POLDIP3: variants seen among roughly 807,000 people sequenced by gnomAD.
The protein encoded by POLDIP3 is DNA polymerase delta interacting protein 3.
In POLDIP3, 14 loss-of-function variants were observed where a neutral mutation model predicts 45.1. The ratio of observed to expected loss-of-function variants is 0.31; its 90% CI spans 0.20 to 0.49. The LOEUF (loss-of-function observed/expected upper bound fraction) is 0.49, where lower values mean the gene tolerates loss of function less well. Among genes scored for constraint, POLDIP3 ranks in the 20% least tolerant of loss-of-function variants. POLDIP3 has a pLI of 0.99. For synonymous variants in POLDIP3, 223 were observed against 205.2 expected, an observed-to-expected ratio of 1.09 and a Z score of -0.74; for missense variants, 511 against 538.8, an observed-to-expected ratio of 0.95 and a Z score of 0.51.
In POLDIP3 at chr22:42,595,757, T is replaced by C; in HGVS notation, c.814-143A>G. ...CACAAATGGGCCCCCTGAACTTCAG[T>C]GTCCACTACACCCCCCATCACTCTA... On this transcript the variant is annotated intron_variant, in intron 5 of 8. Transcript: ENST00000252115. 4.2e-6 allele frequency: 3 copies of C among 709,006 alleles called. No homozygotes were observed. In the South Asian group the frequency reaches 4.8e-5, roughly 11 times the overall value. 43.9% of individuals were successfully genotyped at this position (709,006 alleles called of 1,614,324 possible). A position where few individuals can be genotyped will look rare whatever the true frequency, so the allele number is the denominator to read the frequency against.
At position 42,585,008 on chromosome 22, in the gene POLDIP3, C is replaced by T. The variant is rs929597341; in HGVS notation, c.*783G>A. 3 of 456,202 alleles carry T rather than the reference C, an allele frequency of 6.6e-6. No homozygotes were observed. The highest frequency in any genetic ancestry group is 2.0e-5 in the African/African-American group (1 of 50,078). The allele number at this position is 456,202 out of a possible 1,614,324, so 28.3% of individuals were successfully genotyped here. On this transcript the variant is annotated 3_prime_UTR_variant, in exon 9 of 9. Coordinates refer to ENST00000252115, the MANE Select transcript of POLDIP3 (RefSeq NM_032311.5). ...GTTAAGTGCCAGGCGAGGTGAGAAC[C>T]GGGAGGGCTCACAACACAGCCCCCT...
chr22:42,592,209 G>C (rs1006168014), intron 6 of POLDIP3, 125 bp from the exon 7 acceptor site: 3 of 1,408,946 alleles, frequency 2.1e-6, no homozygotes, highest in Admixed American at 2.0e-5. Context: ...CTGAGACTGC[G>C]GGGAGGCTCC....
intron 6 of POLDIP3, 113 bp from the exon 7 acceptor site, chr22:42,592,197 G>A (rs996615252): frequency 3.1e-5 from 46 of 1,483,138 alleles, no homozygotes; most frequent in Non-Finnish European, 4.1e-5. Flanking sequence ...TGCGCCCTGC[G>A]CCTGAGACTG....
intron 6 of POLDIP3, among the ~76,000 whole-genome samples, chr22:42,593,899 T>C (rs2146808714): frequency 6.6e-6 from 1 of 152,342 alleles, no homozygotes; most frequent in African/African-American, 2.4e-5. Context: ...CCATTCACAG[T>C]ACTGTCCCTG....
chr22:42,594,105 A>T (rs1357367107), intron 6 of POLDIP3, among the ~76,000 whole-genome samples: 1 of 152,118 alleles, frequency 6.6e-6, no homozygotes, highest in Non-Finnish European at 1.5e-5. Flanking sequence ...ACTGAAAAAT[A>T]CAAAAATTAG....
At chr22:42,610,726 G>C (rs1284419375) in intron 1 of POLDIP3, among the ~76,000 whole-genome samples, 1 of 152,082 alleles carries the variant, frequency 6.6e-6, no homozygotes, top group Admixed American at 6.6e-5. Context: ...AACATGGCGA[G>C]ACCTTGTCTC....
chr22:42,605,457 G>A (rs1418326295), intron 1 of POLDIP3, among the ~76,000 whole-genome samples: 3 of 152,190 alleles, frequency 2.0e-5, no homozygotes, highest in Non-Finnish European at 2.9e-5. Context: ...CCCAGCTTAG[G>A]GTATTTTCTT....
At chr22:42,614,506 G>A (rs952704195) in intron 1 of POLDIP3, among the ~76,000 whole-genome samples, 17 of 152,180 alleles carry the variant, frequency 1.1e-4, no homozygotes, top group Non-Finnish European at 8.8e-5. Context: ...GAGACCCCAG[G>A]ACCCCGGAAC....
In POLDIP3 at chr22:42,585,105, G is replaced by A. The variant is rs1925214555; in HGVS notation, c.*686C>T. 5 of 438,260 alleles carry A rather than the reference G, an allele frequency of 1.1e-5. No individual in the cohort carries two copies. Among genetic ancestry groups the A allele is most frequent in the South Asian group, 6.5e-5 (4 of 61,830 alleles). The allele number at this position is 438,260 out of a possible 1,614,324, so 27.1% of individuals were successfully genotyped here. On this transcript the variant is annotated 3_prime_UTR_variant, in exon 9 of 9. Transcript: ENST00000252115. ...CAGCACAACTCAAGGAAAAGGGAAA[G>A]GTGAACTCTGGAGAACTTCCTCTGG...
intron 1 of POLDIP3, among the ~76,000 whole-genome samples, chr22:42,603,404 AAG>A (rs766009920): frequency 9.4e-6 from 1 of 106,116 alleles, no homozygotes. Flanking sequence ...ATTCCTAGTT[AAG>A]AGTGTTTTGC....
At chr22:42,614,725 G>A in intron 1 of POLDIP3, 74 bp downstream of exon 1, 5 of 1,535,000 alleles carry the variant, frequency 3.3e-6, no homozygotes, top group East Asian at 2.3e-5. Context: ...GTCGCTCCCG[G>A]ATCGCTACCT....
intron 1 of POLDIP3, 60 bp downstream of exon 1, chr22:42,614,739 C>A (rs2146845982): frequency 6.3e-7 from 1 of 1,575,084 alleles, no homozygotes; most frequent in Non-Finnish European, 8.7e-7. Context: ...GCTACCTCCC[C>A]CGCCTCGAGC....
intron 1 of POLDIP3, among the ~76,000 whole-genome samples, chr22:42,605,182 C>G (rs1926644255): frequency 6.6e-6 from 1 of 152,244 alleles, no homozygotes; most frequent in Non-Finnish European, 1.5e-5. Context: ...GGCTGGAGTG[C>G]AGTGGCGCAA....
At chr22:42,591,882 C>A (rs1925686798) in intron 7 of POLDIP3, 73 bp downstream of exon 7, 6 of 1,594,132 alleles carry the variant, frequency 3.8e-6, no homozygotes, top group Non-Finnish European at 5.1e-6. Context: ...GAGACTTCCC[C>A]TGGAAGGCCT....
At chr22:42,592,562 G>C (rs1228573943) in intron 6 of POLDIP3, among the ~76,000 whole-genome samples, 1 of 152,198 alleles carries the variant, frequency 6.6e-6, no homozygotes, top group East Asian at 1.9e-4. Context: ...AACCAGGAGA[G>C]TCCCCAGCAA....
Position 42,584,580 on chromosome 22 carries a change from C to T in POLDIP3, c.*1211G>A. 3.8e-6 allele frequency: 1 copy of T among 263,660 alleles called. No individual in the cohort carries two copies. The highest frequency in any genetic ancestry group is 3.6e-5 in the South Asian group (1 of 28,048). 16.3% of individuals were successfully genotyped at this position (263,660 alleles called of 1,614,324 possible). ...CACTCCCAACCAGCAGGGGACCACT[C>T]AGTGACAACACTGGCCTGGTCATTC... On this transcript the variant is annotated 3_prime_UTR_variant, in exon 9 of 9. Transcript: ENST00000252115.
chr22:42,586,102 C>T (rs1257444490), intron 8 of POLDIP3, 134 bp from the exon 9 acceptor site: 7 of 776,656 alleles, frequency 9.0e-6, no homozygotes, highest in Non-Finnish European at 1.4e-5. Flanking sequence ...CATCTCATTC[C>T]ACCTCGCAGC....
chr22:42,591,156 A>G (rs1443611452), intron 7 of POLDIP3, among the ~76,000 whole-genome samples: 1 of 152,014 alleles, frequency 6.6e-6, no homozygotes, highest in East Asian at 1.9e-4. Context: ...ACATCCAAAC[A>G]TATGACAAAA....
intron 4 of POLDIP3, among the ~76,000 whole-genome samples, chr22:42,599,330 G>A (rs576283321): frequency 6.6e-6 from 1 of 152,378 alleles, no homozygotes; most frequent in African/African-American, 2.4e-5. Flanking sequence ...CACGCCGGGC[G>A]CAGTGGCTTA....
Sources: gnomAD v4.1 joint callset for allele counts (sites outside exome capture counted in the v4.1 genomes callset) on GRCh38, gnomAD v4.1.1 for gene constraint, MANE v1.5 for transcripts, NCBI Gene and HGNC (gene_info 2026-07-23, HGNC 2026-07-21) for gene names.